UNC13B: variants seen among roughly 807,000 people sequenced by gnomAD.
UNC13B encodes the protein protein unc-13 homolog B.
In UNC13B, 144 loss-of-function variants were observed where a neutral mutation model predicts 211.0. That is an observed-to-expected ratio of 0.68 (90% CI 0.60 to 0.78). The LOEUF (loss-of-function observed/expected upper bound fraction) is 0.78, where lower values mean the gene tolerates loss of function less well. UNC13B is among the 30% of genes least tolerant of loss of function. The pLI, the probability that UNC13B is intolerant of heterozygous loss-of-function variation, is 0.00. For synonymous variants in UNC13B, 709 were observed against 725.8 expected, an observed-to-expected ratio of 0.98 and a Z score of 0.37; for missense variants, 1,777 against 2,002.0, an observed-to-expected ratio of 0.89 and a Z score of 2.14.
intron 1 of UNC13B, among the ~76,000 whole-genome samples, chr9:35,170,875 AG>A (rs746987999): frequency 2.6e-4 from 39 of 152,096 alleles, no homozygotes; most frequent in Non-Finnish European, 4.4e-4. Context: ...GGTGCTAATC[AG>A]GGCTCACTGC....
intron 7 of UNC13B, among the ~76,000 whole-genome samples, chr9:35,275,246 G>A (rs1054236486): frequency 2.0e-5 from 3 of 152,028 alleles, no homozygotes; most frequent in Non-Finnish European, 2.9e-5. Context: ...TGTTCTTTCC[G>A]CTATACCACC....
chr9:35,251,344 G>A (rs183285496), intron 6 of UNC13B, among the ~76,000 whole-genome samples: 1 of 151,976 alleles, frequency 6.6e-6, no homozygotes, highest in African/African-American at 2.4e-5. Flanking sequence ...CCAGCACTCT[G>A]GGGGGGCCGA....
chr9:35,387,048 G>A (rs1835233769), intron 24 of UNC13B, among the ~76,000 whole-genome samples: 1 of 152,178 alleles, frequency 6.6e-6, no homozygotes, highest in South Asian at 2.1e-4. Flanking sequence ...TTCTAGGCCA[G>A]GTCTGAGGAG....
intron 1 of UNC13B, among the ~76,000 whole-genome samples, chr9:35,227,431 C>A (rs1026724763): frequency 6.6e-6 from 1 of 152,022 alleles, no homozygotes; most frequent in Non-Finnish European, 1.5e-5. Context: ...AGCAGTTTTC[C>A]TGCATGTATG....
At position 35,171,204 on chromosome 9, in the gene UNC13B, A is replaced by G. The variant is rs553740051; in HGVS notation, c.22+8899A>G. On this transcript the variant is annotated intron_variant, in intron 1 of 39. Transcript: ENST00000635942. The stretch of plus-strand genomic sequence containing the variant: ...GTAACCTCCATCTCCCAGGTTCAAG[A>G]GATTCTCCTGCCTCAGCCTCCCAAG... 9.2e-5 allele frequency among the ~76,000 whole-genome samples: 14 copies of G among 151,618 alleles called. No homozygotes were observed. In the East Asian group the frequency reaches 2.3e-3, roughly 25 times the overall value.
rs370869429 is a variant in UNC13B at position 35,188,832 on chromosome 9, C to T, written c.22+26527C>T. ...CCTTGCATTAGTTAATTAATGTTAG[C>T]CCCAGTTTGTTGAAATGAAACCTTA... On this transcript the variant is annotated intron_variant, in intron 1 of 39. Transcript: ENST00000635942. 7.7e-4 allele frequency among the ~76,000 whole-genome samples: 117 copies of T among 152,262 alleles called. 2 individuals are homozygous for T. The South Asian group carries it at 0.019, about 25-fold the overall frequency.
At chr9:35,367,501 GT>G (rs1450980146) in intron 12 of UNC13B, among the ~76,000 whole-genome samples, 6 of 151,930 alleles carry the variant, frequency 3.9e-5, no homozygotes, top group Admixed American at 3.9e-4. Flanking sequence ...CTTTCTTTTT[GT>G]TACAATCCAC....
intron 7 of UNC13B, among the ~76,000 whole-genome samples, chr9:35,265,244 G>C (rs943235111): frequency 1.3e-5 from 2 of 152,202 alleles, no homozygotes; most frequent in Non-Finnish European, 2.9e-5. Flanking sequence ...CTGTGAGGAA[G>C]TGATAAAAGT....
Position 35,377,683 on chromosome 9 carries a change from A to G in UNC13B, c.10051A>G (p.Ile3351Val), listed in dbSNP as rs777434738. Residue 3351 changes from isoleucine to valine, a missense_variant, in exon 16 of 40, where the codon ATC becomes GTC. Transcript: ENST00000635942. ...LDGTSKWSAK[I>V]TITVVCAQGL... ...TGGCACCTCCAAATGGTCAGCCAAG[A>G]TCACCATTACTGGTGAGCAGGCCAC... The G allele has an allele frequency of 9.3e-6, 15 of 1,613,846 alleles. No homozygotes were observed. The Admixed American group carries it at 1.7e-4, about 18-fold the overall frequency.
chr9:35,292,989 A>G (rs1234809945), intron 7 of UNC13B, among the ~76,000 whole-genome samples: 2 of 152,124 alleles, frequency 1.3e-5, no homozygotes, highest in African/African-American at 4.8e-5. Context: ...AGTGTTACAT[A>G]TTTTCCTGAA....
chr9:35,399,128 C>G, intron 33 of UNC13B, 33 bp from the exon 34 acceptor site: 1 of 1,614,182 alleles, frequency 6.2e-7, no homozygotes, highest in South Asian at 1.1e-5. Flanking sequence ...CTCAAACTCT[C>G]ACCCTGGTCT....
intron 26 of UNC13B, among the ~76,000 whole-genome samples, chr9:35,391,138 A>G (rs1835505831): frequency 6.6e-6 from 1 of 152,196 alleles, no homozygotes; most frequent in African/African-American, 2.4e-5. Context: ...TTTTCTTGCA[A>G]GCTGCTCTGG....
chr9:35,381,334 C>A, intron 19 of UNC13B, 119 bp downstream of exon 19: 2 of 1,016,274 alleles, frequency 2.0e-6, no homozygotes, highest in Non-Finnish European at 2.9e-6. Flanking sequence ...ATCCTTGATT[C>A]ACTCTGTTAC....
chr9:35,213,433 T>C (rs1824081388), intron 1 of UNC13B, among the ~76,000 whole-genome samples: 3 of 152,218 alleles, frequency 2.0e-5, no homozygotes, highest in African/African-American at 7.2e-5. Flanking sequence ...TCTTGGACTT[T>C]ACAGCCTCCA....
intron 6 of UNC13B, among the ~76,000 whole-genome samples, chr9:35,255,043 TATATA>T (rs1251651516): frequency 4.2e-5 from 5 of 119,742 alleles, no homozygotes; most frequent in East Asian, 4.2e-4. Flanking sequence ...ATATATATTA[TATATA>T]ATATAATATA....
Position 35,183,126 on chromosome 9 carries a change from C to T in UNC13B, c.22+20821C>T, listed in dbSNP as rs866041926. Among the ~76,000 whole-genome samples, 122 of 133,260 alleles carry T rather than the reference C, an allele frequency of 9.2e-4. 1 individual carries two copies. The highest frequency in any genetic ancestry group is 3.0e-3 in the African/African-American group (109 of 36,038). The allele number at this position is 133,260 out of a possible 152,430, so 87.4% of individuals were successfully genotyped here. A position where few individuals can be genotyped will look rare whatever the true frequency, so the allele number is the denominator to read the frequency against. On this transcript the variant is annotated intron_variant, in intron 1 of 39. Transcript: ENST00000635942. The stretch of plus-strand genomic sequence containing the variant: ...GCAGAGGTGCTCCTCACCTCCCAGA[C>T]GGGGTGGCCGGGCAGAGGCGCTCCC...
At chr9:35,227,314 G>C (rs905752785) in intron 1 of UNC13B, among the ~76,000 whole-genome samples, 4 of 152,190 alleles carry the variant, frequency 2.6e-5, no homozygotes, top group Admixed American at 6.5e-5. Flanking sequence ...ATACTCTTAA[G>C]CATCCTTTCC....
At chr9:35,163,863 G>A (rs1324796182) in intron 1 of UNC13B, among the ~76,000 whole-genome samples, 1 of 152,036 alleles carries the variant, frequency 6.6e-6, no homozygotes, top group Non-Finnish European at 1.5e-5. Flanking sequence ...CTGGAGAAAC[G>A]AGATCAGCAG....
Position 35,306,376 on chromosome 9 carries a change from GA to G in UNC13B, c.6974del (p.Asn2325MetfsTer30). The G allele has an allele frequency of 2.5e-6, 1 of 398,994 alleles. No individual in the cohort carries two copies. The allele number at this position is 398,994 out of a possible 1,614,324, so 24.7% of individuals were successfully genotyped here. A position where few individuals can be genotyped will look rare whatever the true frequency, so the allele number is the denominator to read the frequency against. On this transcript the variant is annotated frameshift_variant, in exon 9 of 40. Coordinates refer to ENST00000635942, the MANE Select transcript of UNC13B (RefSeq NM_001371189.2). LOFTEE classifies it high-confidence loss of function. ...VPGTSVDFQM[N>X]ELQKDIIPPS... is the part of the protein sequence containing the mutation. ...CAGGGACATCAGTGGATTTCCAGAT[GA>G]ATGAATTGCAAAAAGACATTATTCC...
Sources: gnomAD v4.1 joint callset for allele counts (sites outside exome capture counted in the v4.1 genomes callset) on GRCh38, gnomAD v4.1.1 for gene constraint, MANE v1.5 for transcripts, NCBI Gene and HGNC (gene_info 2026-07-23, HGNC 2026-07-21) for gene names.